NAA11: variants seen among roughly 807,000 people sequenced by gnomAD.
NAA11 encodes N-alpha-acetyltransferase 11.
A neutral mutation model predicts 16.1 loss-of-function variants in NAA11; 15 were observed. The ratio of observed to expected loss-of-function variants is 0.93; its 90% CI spans 0.62 to 1.44. NAA11 has a LOEUF of 1.44. Among genes scored for constraint, NAA11 ranks in the 40% most tolerant of loss-of-function variants. The pLI, the probability that NAA11 is intolerant of heterozygous loss-of-function variation, is 0.00. For synonymous variants in NAA11, 122 were observed against 112.4 expected, an observed-to-expected ratio of 1.09 and a Z score of -0.54; for missense variants, 298 against 291.3, an observed-to-expected ratio of 1.02 and a Z score of -0.17.
At chr4:79,252,852 C>T (rs1368534263) in intron 2 of NAA11, among the ~76,000 whole-genome samples, 1 of 152,146 alleles carries the variant, frequency 6.6e-6, no homozygotes, top group Non-Finnish European at 1.5e-5. Flanking sequence ...TCTCATGCAA[C>T]AAGGAACCAT....
chr4:79,239,065 TGAGA>T (rs995837855), intron 2 of NAA11, among the ~76,000 whole-genome samples: 1 of 152,112 alleles, frequency 6.6e-6, no homozygotes, highest in African/African-American at 2.4e-5. Flanking sequence ...TGAGAAAGAT[TGAGA>T]GAGTGATAAA....
the NAA11 span, among the ~76,000 whole-genome samples, chr4:79,187,856 G>A: frequency 1.3e-5 from 2 of 151,874 alleles, no homozygotes; most frequent in East Asian, 1.9e-4. Context: ...AAAATTAGCC[G>A]GGCACGGTGG....
the NAA11 span, among the ~76,000 whole-genome samples, chr4:79,162,513 T>C: frequency 6.6e-6 from 1 of 152,248 alleles, no homozygotes; most frequent in Admixed American, 6.5e-5. Flanking sequence ...TAGAGAGAAA[T>C]TTTTGTGGTG....
chr4:79,198,617 G>A, the NAA11 span, among the ~76,000 whole-genome samples: 8 of 151,994 alleles, frequency 5.3e-5, no homozygotes, highest in East Asian at 1.2e-3. Flanking sequence ...AGGGAAAGAG[G>A]AGACAGTGTA....
At chr4:79,173,689 G>A in the NAA11 span, among the ~76,000 whole-genome samples, 1 of 152,162 alleles carries the variant, frequency 6.6e-6, no homozygotes, top group South Asian at 2.1e-4. Flanking sequence ...TTCTCGTGGG[G>A]GAGAACAACG....
At chr4:79,169,177 T>C in the NAA11 span, among the ~76,000 whole-genome samples, 1 of 152,186 alleles carries the variant, frequency 6.6e-6, no homozygotes, top group African/African-American at 2.4e-5. Flanking sequence ...ATGGCCATGC[T>C]GCACAAAGTA....
chr4:79,287,438 T>C (rs536480159), intron 2 of NAA11, among the ~76,000 whole-genome samples: 1 of 152,110 alleles, frequency 6.6e-6, no homozygotes, highest in Non-Finnish European at 1.5e-5. Flanking sequence ...AGGCTAATAC[T>C]TGTCAAGTCT....
chr4:79,288,263 AATAC>A (rs1445556948), intron 2 of NAA11, among the ~76,000 whole-genome samples: 6 of 152,308 alleles, frequency 3.9e-5, no homozygotes, highest in Admixed American at 2.6e-4. Flanking sequence ...AAAAGTAATT[AATAC>A]ATAAAGTACC....
chr4:79,194,145 A>G, the NAA11 span, among the ~76,000 whole-genome samples: 5 of 152,214 alleles, frequency 3.3e-5, no homozygotes, highest in Admixed American at 6.5e-5. Flanking sequence ...GGTTTTCTAG[A>G]TATACAATCA....
At chr4:79,211,510 T>C in the NAA11 span, among the ~76,000 whole-genome samples, 2 of 152,224 alleles carry the variant, frequency 1.3e-5, no homozygotes, top group East Asian at 3.9e-4. Context: ...TCAGTCTATG[T>C]ATGTCTATAT....
intron 2 of NAA11, among the ~76,000 whole-genome samples, chr4:79,241,172 T>A (rs991749786): frequency 2.6e-5 from 4 of 152,140 alleles, no homozygotes; most frequent in Non-Finnish European, 5.9e-5. Flanking sequence ...CTCAGCCTAC[T>A]CAACATGAAG....
chr4:79,174,289 A>G, the NAA11 span, among the ~76,000 whole-genome samples: 524 of 152,290 alleles, frequency 3.4e-3, 7 homozygotes, highest in African/African-American at 0.012. Flanking sequence ...CTATATATTA[A>G]TATTTACTCA....
downstream of NAA11, among the ~76,000 whole-genome samples, chr4:79,313,754 T>G (rs1389314030): frequency 6.6e-6 from 1 of 152,162 alleles, no homozygotes; most frequent in Non-Finnish European, 1.5e-5. Context: ...AAAAGGACCT[T>G]GATAAGTCAC....
At chr4:79,223,664 TTTCTC>T (rs1197412524), downstream of NAA11, among the ~76,000 whole-genome samples, 1 of 149,584 alleles carries the variant, frequency 6.7e-6, no homozygotes, top group Non-Finnish European at 1.5e-5. Flanking sequence ...AAAAAAAAGA[TTTCTC>T]TACCAGTTGC....
At chr4:79,279,727 A>AT (rs968032648) in intron 2 of NAA11, among the ~76,000 whole-genome samples, 3 of 152,070 alleles carry the variant, frequency 2.0e-5, no homozygotes, top group African/African-American at 7.2e-5. Context: ...AGGTGAAAAT[A>AT]TGTTGTAAAC....
intron 2 of NAA11, among the ~76,000 whole-genome samples, chr4:79,230,164 T>G (rs1159021931): frequency 2.0e-5 from 3 of 151,594 alleles, no homozygotes; most frequent in Non-Finnish European, 1.5e-5. Flanking sequence ...CACAGTAAAC[T>G]ATCGCAAGAA....
intron 2 of NAA11, among the ~76,000 whole-genome samples, chr4:79,264,501 C>T (rs2109976100): frequency 6.6e-6 from 1 of 152,268 alleles, no homozygotes; most frequent in South Asian, 2.1e-4. Flanking sequence ...TTCTCACTGT[C>T]TTTCACATAC....
At position 79,255,311 on chromosome 4, in the gene NAA11, G is replaced by A. The variant is rs184116530; in HGVS notation, c.*123-29041C>T. Among the ~76,000 whole-genome samples, 6 of 152,122 alleles carry A rather than the reference G, an allele frequency of 3.9e-5. No individual in the cohort carries two copies. In the East Asian group the frequency reaches 1.2e-3, roughly 29 times the overall value. On this transcript the variant is annotated intron_variant and NMD_transcript_variant, in intron 2 of 2. Transcript: ENST00000511542. ...GTACATGTCTTTGGTGGGCATATATGTCTCAGTAATTTTTTAAACTCTTCT... is the reference window on the plus strand; with the variant it reads ...GTACATGTCTTTGGTGGGCATATATATCTCAGTAATTTTTTAAACTCTTCT...
intron 2 of NAA11, among the ~76,000 whole-genome samples, chr4:79,252,477 A>G (rs1283455959): frequency 1.3e-5 from 2 of 152,220 alleles, no homozygotes; most frequent in South Asian, 2.1e-4. Flanking sequence ...GGGTAGATAG[A>G]TAATAAACAA....
Sources: allele counts gnomAD v4.1 joint callset (sites outside exome capture counted in the v4.1 genomes callset), GRCh38; gene constraint gnomAD v4.1.1; transcripts MANE v1.5; gene names NCBI Gene and HGNC (gene_info 2026-07-23, HGNC 2026-07-21).